The following FAM210B variants were observed in gnomAD, a reference collection of about 807,000 sequenced individuals.
The protein encoded by FAM210B is mitochondrial inner membrane scaffold 2, also known as family with sequence similarity 210 member B.
Under a neutral mutation model 14.9 loss-of-function variants are expected in FAM210B, and 11 were observed. That is an observed-to-expected ratio of 0.74 (90% CI 0.46 to 1.22). FAM210B has a LOEUF of 1.22. Ranked by LOEUF, FAM210B falls within the 50% of genes most tolerant of loss-of-function variation. The probability of loss-of-function intolerance (pLI) is 0.00; values close to 1 mark genes in which losing one functional copy is unlikely to be tolerated. For missense variants in FAM210B, 229 were observed against 250.1 expected (o/e 0.92, Z 0.57); for synonymous variants, 113 against 110.2 (o/e 1.03, Z -0.16).
chr20:56,365,822 G>T (rs1401601988), intron 2 of FAM210B, among the ~76,000 whole-genome samples: 1 of 151,444 alleles, frequency 6.6e-6, no homozygotes, highest in African/African-American at 2.4e-5. Context: ...TTTTTTTGTT[G>T]TGTTGAGACA....
Position 56,366,657 on chromosome 20 carries a change from G to C in FAM210B, c.*370G>C. On this transcript the variant is annotated 3_prime_UTR_variant, in exon 3 of 3. Coordinates refer to ENST00000371384, the MANE Select transcript of FAM210B (RefSeq NM_080821.3). ...TTGGCTCAGTTTCCTAAAAAGCATT[G>C]ATTAATTTAACTGGCTTTTAAATAT... is the stretch of plus-strand genomic sequence containing the variant. The C allele has an allele frequency of 5.3e-6, 1 of 190,096 alleles. No individual in the cohort carries two copies. The highest frequency in any genetic ancestry group is 1.1e-4 in the South Asian group (1 of 9,214). 11.8% of individuals were successfully genotyped at this position (190,096 alleles called of 1,614,324 possible).
At chr20:56,365,322 A>G in intron 2 of FAM210B, 60 bp downstream of exon 2, 2 of 1,554,676 alleles carry the variant, frequency 1.3e-6, no homozygotes, top group Non-Finnish European at 1.7e-6. Flanking sequence ...TTCTATGTGA[A>G]TAAGAACGTG....
chr20:56,361,105 C>G (rs1309112232), intron 1 of FAM210B, among the ~76,000 whole-genome samples: 1 of 152,200 alleles, frequency 6.6e-6, no homozygotes, highest in Non-Finnish European at 1.5e-5. Context: ...AACCGCCTAG[C>G]AGCCCCGCCT....
rs757089951 is a variant in FAM210B at position 56,366,509 on chromosome 20, A to G, written c.*222A>G. The G allele has an allele frequency of 2.4e-5, 12 of 506,916 alleles. No individual in the cohort carries two copies. The highest frequency in any genetic ancestry group is 4.2e-5 in the Non-Finnish European group (12 of 287,638). 31.4% of individuals were successfully genotyped at this position (506,916 alleles called of 1,614,324 possible). On this transcript the variant is annotated 3_prime_UTR_variant, in exon 3 of 3. Coordinates refer to ENST00000371384, the MANE Select transcript of FAM210B (RefSeq NM_080821.3). ...GCTATTCATTATAGGGCTTGTATAT[A>G]TAATCTAAAATGTCAGCAAGGCATC...
At position 56,366,273 on chromosome 20, in the gene FAM210B, G is replaced by A; in HGVS notation, c.565G>A (p.Ala189Thr). ...AAAAGTGGGATTTTTTAAACCTCCA[G>A]CTGCAAAACCTTAATGAACTCTTCA... The part of the protein sequence containing the change: ...FRKVGFFKPP[A>T]AKP The change falls in exon 3 of 3, where the codon GCT becomes ACT. Residue 189 changes from alanine to threonine, a missense_variant. Physicochemically the swap from Ala to Thr is moderately conservative, Grantham distance 58. Around this residue, in one of 3 missense-constraint regions of FAM210B, gnomAD observed 53 missense variants for 55.4 expected, o/e 0.96. Transcript: ENST00000371384. The A allele has an allele frequency of 6.2e-7, 1 of 1,614,090 alleles. No individual in the cohort carries two copies. Among genetic ancestry groups the A allele is most frequent in the Non-Finnish European group, 8.5e-7 (1 of 1,179,952 alleles).
intron 2 of FAM210B, 114 bp from the exon 3 acceptor site, chr20:56,365,957 T>C (rs1445960373): frequency 1.4e-6 from 1 of 730,564 alleles, no homozygotes; most frequent in African/African-American, 2.4e-5. Flanking sequence ...AAGACTTTTA[T>C]TCATTCAGCT....
rs984359620 is a variant in FAM210B, at chr20:56,367,681, C to T, written c.*1394C>T. 8 of 152,260 alleles carry T rather than the reference C, an allele frequency of 5.3e-5. No individual in the cohort carries two copies. Among genetic ancestry groups the T allele is most frequent in the African/African-American group, 1.9e-4 (8 of 41,430 alleles). 9.4% of individuals were successfully genotyped at this position (152,260 alleles called of 1,614,324 possible). ...GTAGATCCAAACTGAGACACTGAGGCTTCGTCCTTATAGTAGTCAGGAGCA... is the reference window on the plus strand; with the variant it reads ...GTAGATCCAAACTGAGACACTGAGGTTTCGTCCTTATAGTAGTCAGGAGCA... On this transcript the variant is annotated 3_prime_UTR_variant, in exon 3 of 3. Coordinates refer to ENST00000371384, the MANE Select transcript of FAM210B (RefSeq NM_080821.3).
Position 56,366,084 on chromosome 20 carries a change from C to G in FAM210B, c.376C>G (p.Pro126Ala), listed in dbSNP as rs6099115. The G allele has an allele frequency of 6.2e-7, 1 of 1,610,976 alleles. No homozygotes were observed. The highest frequency in any genetic ancestry group is 8.5e-7 in the Non-Finnish European group (1 of 1,177,480). ...CTTCCCCCCTAGTGGTGTGGACATG[C>G]CTGCAATCCTGCTGAAACTCGGATT... is the stretch of plus-strand genomic sequence containing the variant. The part of the protein sequence containing the change: ...YMVVSSGVDM[P>A]AILLKLGFKE... Residue 126 changes from proline to alanine, a missense_variant, in exon 3 of 3, where the codon CCT (proline) becomes GCT (alanine). Transcript: ENST00000371384.
intron 1 of FAM210B, among the ~76,000 whole-genome samples, chr20:56,361,600 C>T (rs924557506): frequency 1.4e-4 from 21 of 152,196 alleles, no homozygotes; most frequent in African/African-American, 5.1e-4. Flanking sequence ...CTCTGGGCTT[C>T]TCAGATCCTC....
Position 56,359,339 on chromosome 20 carries a change from CCAAAT to C in FAM210B, c.186+150_186+154del. On this transcript the variant is annotated intron_variant, in intron 1 of 2. Coordinates refer to ENST00000371384, the MANE Select transcript of FAM210B (RefSeq NM_080821.3). The surrounding 1 kb of genome is among the most constrained non-coding windows in gnomAD (Gnocchi z 4.3). ...GAGCTCTTCCAGGGTCCCCGAAACC[CCAAAT>C]CCCTGCAAGCCAAGGAAGCGATCCT... 1 of 804,826 alleles carries C rather than the reference CCAAAT, an allele frequency of 1.2e-6. No individual in the cohort carries two copies. Among genetic ancestry groups the C allele is most frequent in the Non-Finnish European group, 1.6e-6 (1 of 607,632 alleles). The allele number at this position is 804,826 out of a possible 1,614,324, so 49.9% of individuals were successfully genotyped here. A position where few individuals can be genotyped will look rare whatever the true frequency, so the allele number is the denominator to read the frequency against.
Position 56,365,083 on chromosome 20 carries a change from A to G in FAM210B, c.187-4A>G. 1 of 1,611,922 alleles carries G rather than the reference A, an allele frequency of 6.2e-7. No individual in the cohort carries two copies. The highest frequency in any genetic ancestry group is 8.5e-7 in the Non-Finnish European group (1 of 1,179,574). Reference sequence around the variant, plus strand: ...GCACCTCCTCTTCTCTGATTTGTACACAGGACCCCAGCCAGGCCACGGGGA... The same window carrying G: ...GCACCTCCTCTTCTCTGATTTGTACGCAGGACCCCAGCCAGGCCACGGGGA... On this transcript the variant is annotated splice_region_variant and splice_polypyrimidine_tract_variant and intron_variant, in intron 1 of 2. Transcript: ENST00000371384.
At chr20:56,365,401 C>A in intron 2 of FAM210B, 139 bp downstream of exon 2, 1 of 880,296 alleles carries the variant, frequency 1.1e-6, no homozygotes, top group Non-Finnish European at 1.7e-6. Flanking sequence ...GTGGCATGAT[C>A]ACAGCTCACT....
rs190100022 is a variant in FAM210B, at chr20:56,359,011, C to T, written c.6C>T (p.Ala2=). 34,540 of 1,318,274 alleles carry T rather than the reference C, an allele frequency of 0.026. 605 individuals carry two copies. Among genetic ancestry groups the T allele is most frequent in the Non-Finnish European group, 0.029 (29,744 of 1,028,554 alleles). The allele number at this position is 1,318,274 out of a possible 1,614,324, so 81.7% of individuals were successfully genotyped here. A position where few individuals can be genotyped will look rare whatever the true frequency, so the allele number is the denominator to read the frequency against. The change falls in exon 1 of 3, where the codon GCC becomes GCT. Residue 2 remains alanine, a synonymous_variant. Coordinates refer to ENST00000371384, the MANE Select transcript of FAM210B (RefSeq NM_080821.3). This position sits in a 1 kb window ranked among gnomAD's most constrained non-coding sequence, Gnocchi z 4.3. The stretch of plus-strand genomic sequence containing the variant: ...GCTGCGCCTAGCTGCGCACCATGGC[C>T]GGGTTGCTGGCGTTGCTGGGTCCGG... M[A]GLLALLGPAG...
In FAM210B at chr20:56,363,525, C is replaced by T. The variant is rs779594848; in HGVS notation, c.187-1562C>T. ...CTGCAGAGCCCATAACAAGAGCTGA[C>T]CTCCAGCCAGGTGCGCATCACCTGC... is the stretch of plus-strand genomic sequence containing the variant. On this transcript the variant is annotated intron_variant, in intron 1 of 2. Transcript: ENST00000371384. This position sits in a 1 kb window ranked among gnomAD's most constrained non-coding sequence, Gnocchi z 4.1. Among the ~76,000 whole-genome samples, 14 of 152,220 alleles carry T rather than the reference C, an allele frequency of 9.2e-5. 1 individual carries two copies. The highest frequency in any genetic ancestry group is 1.6e-4 in the Non-Finnish European group (11 of 68,034).
At position 56,359,018 on chromosome 20, in the gene FAM210B, C is replaced by G; in HGVS notation, c.13C>G (p.Leu5Val). The change falls in exon 1 of 3, where the codon CTG becomes GTG. Residue 5 changes from leucine to valine, a missense_variant. Transcript: ENST00000371384. This position sits in a 1 kb window ranked among gnomAD's most constrained non-coding sequence, Gnocchi z 4.3. MAGLLALLGPAGRVG... is the reference protein window; with the variant it reads MAGLVALLGPAGRVG... ...CTAGCTGCGCACCATGGCCGGGTTG[C>G]TGGCGTTGCTGGGTCCGGCAGGCAG... is the stretch of plus-strand genomic sequence containing the variant. 2 of 1,330,176 alleles carry G rather than the reference C, an allele frequency of 1.5e-6. No individual in the cohort carries two copies. The highest frequency in any genetic ancestry group is 1.9e-6 in the Non-Finnish European group (2 of 1,034,904). The allele number at this position is 1,330,176 out of a possible 1,614,324, so 82.4% of individuals were successfully genotyped here.
In FAM210B at chr20:56,366,206, C is replaced by G; in HGVS notation, c.498C>G (p.Ser166Arg). The change falls in exon 3 of 3, where the codon AGC becomes AGG. Residue 166 changes from serine to arginine, a missense_variant. Ser to Arg is a moderately radical substitution (Grantham distance 110, BLOSUM62 -1). This residue lies in a region of FAM210B where 53 missense variants were observed against 55.4 expected (regional missense o/e 0.96). Transcript: ENST00000371384. ...AGCTGTTTGCGCCAGTGAGAATCAG[C>G]ATTACGCTAGTCTCTGTGCCCTTGA... ...IHKLFAPVRI[S>R]ITLVSVPLIV... 1 of 1,614,178 alleles carries G rather than the reference C, an allele frequency of 6.2e-7. No individual in the cohort carries two copies. Among genetic ancestry groups the G allele is most frequent in the Non-Finnish European group, 8.5e-7 (1 of 1,180,040 alleles).
chr20:56,361,275 C>T (rs1983526729), intron 1 of FAM210B, among the ~76,000 whole-genome samples: 1 of 152,164 alleles, frequency 6.6e-6, no homozygotes, highest in South Asian at 2.1e-4. Context: ...TCCTCCTACT[C>T]CCTGTCTCCC....
At chr20:56,365,386 G>T in intron 2 of FAM210B, 124 bp downstream of exon 2, 1 of 1,021,258 alleles carries the variant, frequency 9.8e-7, no homozygotes, top group South Asian at 1.6e-5. Flanking sequence ...CCAGGCTGGA[G>T]TGCAGTGGCA....
chr20:56,365,502 A>ATTTG (rs755545509), intron 2 of FAM210B, among the ~76,000 whole-genome samples: 5 of 150,024 alleles, frequency 3.3e-5, no homozygotes, highest in Non-Finnish European at 5.9e-5. Context: ...CACCCAGCTG[A>ATTTG]TTTGTTTGTT....
Sources: allele counts gnomAD v4.1 joint callset (sites outside exome capture counted in the v4.1 genomes callset), GRCh38; gene constraint gnomAD v4.1.1; regional missense constraint gnomAD v4.1.1; non-coding constraint Gnocchi (gnomAD v3.1); transcripts MANE v1.5; gene names NCBI Gene and HGNC (gene_info 2026-07-23, HGNC 2026-07-21).